The following GPC5 variants were observed in gnomAD, a reference collection of about 807,000 sequenced individuals.
The protein encoded by GPC5 is glypican-5.
A neutral mutation model predicts 53.9 loss-of-function variants in GPC5; 47 were observed. That is an observed-to-expected ratio of 0.87 (90% CI 0.69 to 1.11). GPC5 has a LOEUF of 1.11. Among genes scored for constraint, GPC5 ranks in the 50% most tolerant of loss-of-function variants. The pLI, the probability that GPC5 is intolerant of heterozygous loss-of-function variation, is 0.00. For missense variants in GPC5, 748 were observed against 713.1 expected (o/e 1.05, Z -0.56); for synonymous variants, 286 against 263.3 (o/e 1.09, Z -0.84).
At chr13:92,307,717 T>C (rs1042632183) in intron 7 of GPC5, among the ~76,000 whole-genome samples, 1 of 151,500 alleles carries the variant, frequency 6.6e-6, no homozygotes, top group African/African-American at 2.4e-5. Context: ...TCCTGAAAAA[T>C]GAATGAGGTA....
chr13:92,030,212 ACT>A (rs1463315203), intron 6 of GPC5, among the ~76,000 whole-genome samples: 1 of 152,080 alleles, frequency 6.6e-6, no homozygotes, highest in Non-Finnish European at 1.5e-5. Flanking sequence ...TAACTTTCTG[ACT>A]CTCTGTCCAT....
In GPC5 at chr13:92,740,960, G is replaced by GTGTGTGTATATATATATATATATATATA. The variant is rs35795926; in HGVS notation, c.1562-125321_1562-125320insGTGTGTATATATATATATATATATATAT. On this transcript the variant is annotated intron_variant, in intron 7 of 7. Coordinates refer to ENST00000377067, the MANE Select transcript of GPC5 (RefSeq NM_004466.6). ...TGTATGTGTGTATATATATGTATGT[G>GTGTGTGTATATATATATATATATATATA]TATATATATATCCTGCTGTAGCATA... 6.9e-4 allele frequency among the ~76,000 whole-genome samples: 81 copies of GTGTGTGTATATATATATATATATATATA among 117,750 alleles called. 9 individuals are homozygous for GTGTGTGTATATATATATATATATATATA. The highest frequency in any genetic ancestry group is 1.7e-3 in the Admixed American group (21 of 12,126). 77.2% of individuals were successfully genotyped at this position (117,750 alleles called of 152,430 possible).
chr13:92,209,205 C>T (rs1281013795), intron 7 of GPC5, among the ~76,000 whole-genome samples: 1 of 152,064 alleles, frequency 6.6e-6, no homozygotes, highest in Non-Finnish European at 1.5e-5. Flanking sequence ...TTCTGAATGC[C>T]TTAAATTAAA....
intron 6 of GPC5, among the ~76,000 whole-genome samples, chr13:92,058,706 G>A (rs528637914): frequency 1.7e-4 from 26 of 152,182 alleles, no homozygotes; most frequent in African/African-American, 5.3e-4. Context: ...ACCACAGCCA[G>A]CTAATTTTTG....
intron 7 of GPC5, among the ~76,000 whole-genome samples, chr13:92,181,707 T>C (rs989365684): frequency 3.9e-5 from 6 of 152,228 alleles, no homozygotes; most frequent in African/African-American, 1.2e-4. Context: ...TCAGATTTCC[T>C]GACATCTCAG....
intron 7 of GPC5, among the ~76,000 whole-genome samples, chr13:92,771,453 A>G (rs1030571939): frequency 3.3e-5 from 5 of 152,032 alleles, no homozygotes; most frequent in South Asian, 2.1e-4. Flanking sequence ...AAGCAATTCT[A>G]TGCCTCAGTC....
rs141051814 is a variant in GPC5 at position 92,557,227 on chromosome 13, G to A, written c.1562-309055G>A. 1.3e-3 allele frequency among the ~76,000 whole-genome samples: 195 copies of A among 151,892 alleles called. 1 individual carries two copies. Among genetic ancestry groups the A allele is most frequent in the African/African-American group, 4.4e-3 (183 of 41,488 alleles). ...ATGACCAATTGTTTCTCTCAATCCA[G>A]CTTGATCAGTGATAGCATCAACATT... On this transcript the variant is annotated intron_variant, in intron 7 of 7. Transcript: ENST00000377067.
At chr13:92,176,109 T>G (rs1566470871) in intron 7 of GPC5, among the ~76,000 whole-genome samples, 1 of 152,238 alleles carries the variant, frequency 6.6e-6, no homozygotes, top group Non-Finnish European at 1.5e-5. Context: ...AGAATCACCA[T>G]ATATCGTGAA....
chr13:91,853,156 T>C (rs1468857536), intron 5 of GPC5, among the ~76,000 whole-genome samples: 2 of 152,246 alleles, frequency 1.3e-5, no homozygotes, highest in South Asian at 2.1e-4. Context: ...TAAAAAATTA[T>C]AGAAATAGTA....
intron 7 of GPC5, among the ~76,000 whole-genome samples, chr13:92,695,512 T>G (rs1043066903): frequency 1.4e-5 from 2 of 147,538 alleles, no homozygotes; most frequent in African/African-American, 4.9e-5. Context: ...TTTATATCTG[T>G]TTTTTTTTCA....
chr13:91,785,994 A>G (rs2037871785), intron 5 of GPC5, among the ~76,000 whole-genome samples: 1 of 151,734 alleles, frequency 6.6e-6, no homozygotes, highest in Non-Finnish European at 1.5e-5. Flanking sequence ...CAATGATTCA[A>G]AGTTTTTCTT....
intron 3 of GPC5, among the ~76,000 whole-genome samples, chr13:91,697,365 A>ACT (rs2035900969): frequency 6.6e-6 from 1 of 151,914 alleles, no homozygotes. Context: ...CTGGTCTCAA[A>ACT]CTCCTGACCT....
Position 92,422,768 on chromosome 13 carries a change from A to G in GPC5, c.1561+277779A>G, listed in dbSNP as rs113537219. Among the ~76,000 whole-genome samples the G allele has an allele frequency of 3.8e-3, 584 of 152,318 alleles. 6 individuals are homozygous for G. Among genetic ancestry groups the G allele is most frequent in the African/African-American group, 0.014 (565 of 41,566 alleles). The stretch of plus-strand genomic sequence containing the variant: ...AAAAAAAAAGTTGCCATTTTTCTTT[A>G]TAATTTCTAAGACCAAAAGATATAT... On this transcript the variant is annotated intron_variant, in intron 7 of 7. Transcript: ENST00000377067.
chr13:91,405,594 G>A lies in GPC5; in HGVS notation c.163+6385G>A, dbSNP rs533006090. On this transcript the variant is annotated intron_variant, in intron 1 of 7. Transcript: ENST00000377067. ...TTTCCTGTGTGGCACTTTTCACGGC[G>A]CCACGTTCCTTTTCTTTGTTTTAAC... is the stretch of plus-strand genomic sequence containing the variant. Among the ~76,000 whole-genome samples the A allele has an allele frequency of 3.5e-4, 54 of 152,148 alleles. 1 individual carries two copies. The highest frequency in any genetic ancestry group is 1.1e-3 in the African/African-American group (45 of 41,480).
intron 2 of GPC5, among the ~76,000 whole-genome samples, chr13:91,586,154 T>G (rs1160897426): frequency 1.3e-5 from 2 of 151,738 alleles, no homozygotes; most frequent in African/African-American, 4.8e-5. Context: ...TTAAATATGA[T>G]AGACAAACAA....
intron 7 of GPC5, among the ~76,000 whole-genome samples, chr13:92,425,213 GAC>G (rs1269402849): frequency 6.6e-6 from 1 of 151,868 alleles, no homozygotes; most frequent in African/African-American, 2.4e-5. Context: ...ATTTATAAAA[GAC>G]ATATTTTAAA....
chr13:91,644,095 C>T (rs2034501426), intron 2 of GPC5, among the ~76,000 whole-genome samples: 1 of 151,806 alleles, frequency 6.6e-6, no homozygotes, highest in Non-Finnish European at 1.5e-5. Flanking sequence ...TTAATTTTAC[C>T]TGTTTATTTT....
chr13:92,044,924 TC>T (rs1408338286), intron 6 of GPC5, among the ~76,000 whole-genome samples: 2 of 152,200 alleles, frequency 1.3e-5, no homozygotes, highest in Admixed American at 6.5e-5. Flanking sequence ...ATGATCACTA[TC>T]ATTAGTGTAT....
chr13:92,696,429 G>A (rs1887559091), intron 7 of GPC5, among the ~76,000 whole-genome samples: 3 of 152,134 alleles, frequency 2.0e-5, no homozygotes. Context: ...GTTTTGATTT[G>A]CATTTCTCTA....
Sources: gnomAD v4.1 joint callset for allele counts (sites outside exome capture counted in the v4.1 genomes callset) on GRCh38, gnomAD v4.1.1 for gene constraint, MANE v1.5 for transcripts, NCBI Gene and HGNC (gene_info 2026-07-23, HGNC 2026-07-21) for gene names.